The following NR2F1-AS1 variants were observed in gnomAD, a reference collection of about 807,000 sequenced individuals.
NR2F1-AS1 encodes the protein NR2F1 regulatory antisense RNA 1, also known as NR2F1 antisense RNA 1.
chr5:93,454,050 G>C (rs1183570793), intron 4 of NR2F1-AS1, among the ~76,000 whole-genome samples: 1 of 152,212 alleles, frequency 6.6e-6, no homozygotes, highest in Non-Finnish European at 1.5e-5. Context: ...GTCGAGGCAG[G>C]ATTGCTTGAG....
intron 1 of NR2F1-AS1, among the ~76,000 whole-genome samples, chr5:93,565,030 T>C (rs573308086): frequency 1.3e-5 from 2 of 152,258 alleles, no homozygotes; most frequent in East Asian, 1.9e-4. Flanking sequence ...TGTTTCTCTA[T>C]TCTCTCTCCT....
rs148125801 is a variant in NR2F1-AS1, at chr5:93,573,313, G to A, written n.313+7154C>T. Among the ~76,000 whole-genome samples, 142 of 152,316 alleles carry A rather than the reference G, an allele frequency of 9.3e-4. 1 individual carries two copies. Among genetic ancestry groups the A allele is most frequent in the African/African-American group, 3.2e-3 (134 of 41,564 alleles). On this transcript the variant is annotated intron_variant and non_coding_transcript_variant, in intron 1 of 5. Transcript: ENST00000660523. ...TCCAGAACCCCTTGTTGGTAAAGGCGAGGTGCTGTGGGGATGCAGGATATG... is the reference window on the plus strand; with the variant it reads ...TCCAGAACCCCTTGTTGGTAAAGGCAAGGTGCTGTGGGGATGCAGGATATG...
At chr5:93,429,070 T>C (rs1749253966) in intron 4 of NR2F1-AS1, among the ~76,000 whole-genome samples, 1 of 152,204 alleles carries the variant, frequency 6.6e-6, no homozygotes, top group Admixed American at 6.5e-5. Context: ...TTCTTAGTCA[T>C]GTGCAGTCAC....
upstream of NR2F1-AS1, chr5:93,585,548 T>G: frequency 7.2e-7 from 1 of 1,395,306 alleles, no homozygotes; most frequent in Non-Finnish European, 1.0e-6. Context: ...TCTTTCTTTC[T>G]TTCTCGCCCG....
intron 4 of NR2F1-AS1, among the ~76,000 whole-genome samples, chr5:93,473,652 T>C (rs1009670554): frequency 6.6e-6 from 1 of 151,004 alleles, no homozygotes; most frequent in African/African-American, 2.4e-5. Context: ...AATATATATA[T>C]TGAAGAATGC....
At chr5:93,478,758 G>A (rs1750540487) in intron 4 of NR2F1-AS1, among the ~76,000 whole-genome samples, 1 of 152,174 alleles carries the variant, frequency 6.6e-6, no homozygotes. Flanking sequence ...GCATTCATCT[G>A]AAGGTTTATA....
intron 4 of NR2F1-AS1, among the ~76,000 whole-genome samples, chr5:93,519,173 T>C (rs560888833): frequency 2.2e-4 from 34 of 152,132 alleles, no homozygotes; most frequent in African/African-American, 7.7e-4. Context: ...TTGTATTTCA[T>C]ACTGTATATA....
rs891746538 is a variant in NR2F1-AS1, at chr5:93,579,528, C to T, written n.313+939G>A. On this transcript the variant is annotated intron_variant and non_coding_transcript_variant, in intron 1 of 5. Coordinates refer to ENST00000660523, the Ensembl canonical transcript of NR2F1-AS1. This position sits in a 1 kb window ranked among gnomAD's most constrained non-coding sequence, Gnocchi z 5.1. ...CAGCTGTCATCCCGTCTCGCCTTGG[C>T]CCTCACCTACAGGGCCTGACCCCGG... Among the ~76,000 whole-genome samples the T allele has an allele frequency of 1.3e-5, 2 of 152,166 alleles. No individual in the cohort carries two copies. The highest frequency in any genetic ancestry group is 1.3e-4 in the Admixed American group (2 of 15,290).
At chr5:93,425,277 T>C (rs998798605) in intron 4 of NR2F1-AS1, among the ~76,000 whole-genome samples, 2 of 152,194 alleles carry the variant, frequency 1.3e-5, no homozygotes, top group African/African-American at 4.8e-5. Flanking sequence ...AGCAGTTCGA[T>C]GACTGCTGGC....
chr5:93,425,654 C>T (rs17083158), intron 4 of NR2F1-AS1, among the ~76,000 whole-genome samples: 5,218 of 152,224 alleles, frequency 0.034, 290 homozygotes, highest in African/African-American at 0.12. Context: ...TTCCTCCTGT[C>T]CTTCTGGGAA....
chr5:93,556,203 G>C (rs577242229), intron 2 of NR2F1-AS1, among the ~76,000 whole-genome samples: 1 of 152,000 alleles, frequency 6.6e-6, no homozygotes, highest in Non-Finnish European at 1.5e-5. Flanking sequence ...TCTCAAACAC[G>C]CATTACCTGC....
Position 93,497,965 on chromosome 5 carries a change from T to G in NR2F1-AS1, n.638+55796A>C, listed in dbSNP as rs1379301. 1.0e-3 allele frequency among the ~76,000 whole-genome samples: 159 copies of G among 152,294 alleles called. 3 individuals are homozygous for G. The East Asian group carries it at 0.023, about 22-fold the overall frequency. ...AATAGCACATATACCGTTTTGGCAC[T>G]GGGTTTTCTCCATGCTCTTTTATAA... On this transcript the variant is annotated intron_variant and non_coding_transcript_variant, in intron 4 of 5. Coordinates refer to ENST00000660523, the Ensembl canonical transcript of NR2F1-AS1.
intron 4 of NR2F1-AS1, among the ~76,000 whole-genome samples, chr5:93,459,026 A>T (rs1394589310): frequency 6.6e-6 from 1 of 152,136 alleles, no homozygotes; most frequent in African/African-American, 2.4e-5. Flanking sequence ...AAGAAAAAAA[A>T]AGAAAATAAA....
chr5:93,502,040 T>C lies in NR2F1-AS1; in HGVS notation n.638+51721A>G, dbSNP rs116781574. Among the ~76,000 whole-genome samples, 1,061 of 152,362 alleles carry C rather than the reference T, an allele frequency of 7.0e-3. 10 individuals carry two copies. The highest frequency in any genetic ancestry group is 0.023 in the African/African-American group (977 of 41,600). ...GACTACAACTCACTGAAGGCTCAGA[T>C]GATTGTTAGCAATTTTTAGGAATAA... On this transcript the variant is annotated intron_variant and non_coding_transcript_variant, in intron 4 of 5. Transcript: ENST00000660523.
intron 4 of NR2F1-AS1, among the ~76,000 whole-genome samples, chr5:93,426,886 T>A (rs146396761): frequency 2.0e-4 from 31 of 152,204 alleles, no homozygotes; most frequent in East Asian, 3.9e-4. Flanking sequence ...GTAATAAAAG[T>A]TCCCCCCCTC....
At chr5:93,581,719 TCTCTCTCTCTCTCTCCCCCTCTCC>T (rs1561519127), upstream of NR2F1-AS1, among the ~76,000 whole-genome samples, 16 of 60,656 alleles carry the variant, frequency 2.6e-4, no homozygotes, top group South Asian at 9.9e-4. Flanking sequence ...TCTCTCTCTC[TCTCTCTCTCTCTCTCCCCCTCTCC>T]CTCTCCCTCT....
intron 4 of NR2F1-AS1, among the ~76,000 whole-genome samples, chr5:93,492,173 T>C (rs1338537012): frequency 1.3e-5 from 2 of 152,208 alleles, no homozygotes; most frequent in African/African-American, 4.8e-5. Flanking sequence ...TGGAACTATT[T>C]ACACCAACAA....
chr5:93,566,317 A>T (rs1354810363), intron 1 of NR2F1-AS1, among the ~76,000 whole-genome samples: 1 of 152,042 alleles, frequency 6.6e-6, no homozygotes, highest in African/African-American at 2.4e-5. Flanking sequence ...CTGATATTGC[A>T]TAGACTACTA....
intron 4 of NR2F1-AS1, among the ~76,000 whole-genome samples, chr5:93,495,091 A>C (rs1750930821): frequency 6.6e-6 from 1 of 152,232 alleles, no homozygotes; most frequent in Admixed American, 6.5e-5. Context: ...TTATTATATA[A>C]ATAACTACTT....
Sources: allele counts gnomAD v4.1 joint callset (sites outside exome capture counted in the v4.1 genomes callset), GRCh38; gene constraint gnomAD v4.1.1; non-coding constraint Gnocchi (gnomAD v3.1); transcripts MANE v1.5; gene names NCBI Gene and HGNC (gene_info 2026-07-23, HGNC 2026-07-21).